DCLK1: variants seen among roughly 807,000 people sequenced by gnomAD.
The protein encoded by DCLK1 is doublecortin like kinase 1.
Under a neutral mutation model 86.2 loss-of-function variants are expected in DCLK1, and 16 were observed. That is an observed-to-expected ratio of 0.19 (90% CI 0.13 to 0.28). DCLK1 has a LOEUF of 0.28. DCLK1 is among the 10% of genes least tolerant of loss of function. The pLI, the probability that DCLK1 is intolerant of heterozygous loss-of-function variation, is 1.00. For missense variants in DCLK1, 590 were observed against 940.2 expected (o/e 0.63, Z 4.87); for synonymous variants, 369 against 370.5 (o/e 1.00, Z 0.05).
rs1209797725 is a variant in DCLK1, at chr13:35,771,201, C to T, written c.*3334G>A. ...TCTTTTTGTTTTCAACTGAAATATG[C>T]CTCAAAGGGTAAAGGATTGCAATTT... On this transcript the variant is annotated 3_prime_UTR_variant, in exon 17 of 17. Transcript: ENST00000360631. The T allele has an allele frequency of 6.6e-6, 1 of 152,076 alleles. No individual in the cohort carries two copies. Among genetic ancestry groups the T allele is most frequent in the Admixed American group, 6.6e-5 (1 of 15,264 alleles). 9.4% of individuals were successfully genotyped at this position (152,076 alleles called of 1,614,324 possible).
intron 3 of DCLK1, among the ~76,000 whole-genome samples, chr13:36,044,017 G>A (rs1284303557): frequency 6.6e-6 from 1 of 152,224 alleles, no homozygotes; most frequent in Non-Finnish European, 1.5e-5. Flanking sequence ...GAGGGGCCTA[G>A]TGGGCGGTGT....
chr13:35,946,956 C>T (rs1163310935), intron 4 of DCLK1, among the ~76,000 whole-genome samples: 1 of 152,008 alleles, frequency 6.6e-6, no homozygotes, highest in African/African-American at 2.4e-5. Flanking sequence ...AACCACTTGC[C>T]TGGTTAGGAA....
intron 12 of DCLK1, among the ~76,000 whole-genome samples, chr13:35,810,271 T>C (rs1251904581): frequency 6.6e-6 from 1 of 152,174 alleles, no homozygotes; most frequent in African/African-American, 2.4e-5. Flanking sequence ...GCCTAGCATA[T>C]TGTGGGGTCT....
chr13:36,129,469 TCA>T (rs1334685273), intron 1 of DCLK1, among the ~76,000 whole-genome samples: 1 of 152,190 alleles, frequency 6.6e-6, no homozygotes, highest in Non-Finnish European at 1.5e-5. Context: ...GAAACCATAC[TCA>T]GAGTGAAATC....
chr13:35,938,401 G>A (rs372075908), intron 4 of DCLK1, among the ~76,000 whole-genome samples: 2 of 152,220 alleles, frequency 1.3e-5, no homozygotes, highest in South Asian at 2.1e-4. Flanking sequence ...AGGCCAAAGC[G>A]GGTGGATCAC....
At chr13:36,074,934 T>C (rs1182959784) in intron 3 of DCLK1, among the ~76,000 whole-genome samples, 1 of 152,194 alleles carries the variant, frequency 6.6e-6, no homozygotes, top group Non-Finnish European at 1.5e-5. Flanking sequence ...ACAAAGCAAC[T>C]GTAAAGGCAA....
At chr13:35,832,733 A>C (rs1869056729) in intron 8 of DCLK1, among the ~76,000 whole-genome samples, 1 of 152,214 alleles carries the variant, frequency 6.6e-6, no homozygotes, top group Admixed American at 6.5e-5. Context: ...GATAACTGCC[A>C]AGAGCAGAGA....
At chr13:35,900,418 T>C (rs1159368966) in intron 4 of DCLK1, among the ~76,000 whole-genome samples, 1 of 152,026 alleles carries the variant, frequency 6.6e-6, no homozygotes, top group Non-Finnish European at 1.5e-5. Flanking sequence ...TTTTTTGTAT[T>C]TTTAGTAGAG....
Position 36,022,050 on chromosome 13 carries a change from A to G in DCLK1, c.724-74593T>C, listed in dbSNP as rs531645088. Among the ~76,000 whole-genome samples, 10 of 152,186 alleles carry G rather than the reference A, an allele frequency of 6.6e-5. 1 individual carries two copies. In the Middle Eastern group the frequency reaches 0.017, roughly 259 times the overall value. On this transcript the variant is annotated intron_variant, in intron 3 of 16. Coordinates refer to ENST00000360631, the MANE Select transcript of DCLK1 (RefSeq NM_001330071.2). ...AGCCATAAAATAAACTTTGATAAAT[A>G]TAAAAGGGTGGAAATCATACAAAGT...
intron 3 of DCLK1, among the ~76,000 whole-genome samples, chr13:36,066,580 T>C (rs572416780): frequency 6.6e-6 from 1 of 152,268 alleles, no homozygotes; most frequent in African/African-American, 2.4e-5. Flanking sequence ...GGAAAGAACC[T>C]GTGCTACAGC....
chr13:36,079,982 A>T (rs1884363462), intron 3 of DCLK1, among the ~76,000 whole-genome samples: 1 of 152,240 alleles, frequency 6.6e-6, no homozygotes, highest in Non-Finnish European at 1.5e-5. Context: ...ACATCTGGGC[A>T]GTGGCCTTTG....
At chr13:35,993,873 T>TATA (rs1240036173) in intron 3 of DCLK1, among the ~76,000 whole-genome samples, 1 of 151,928 alleles carries the variant, frequency 6.6e-6, no homozygotes, top group Non-Finnish European at 1.5e-5. Flanking sequence ...AGTATCAGCC[T>TATA]TGAGGCTCCC....
At chr13:35,979,997 T>C (rs1246438855) in intron 3 of DCLK1, among the ~76,000 whole-genome samples, 1 of 152,210 alleles carries the variant, frequency 6.6e-6, no homozygotes, top group Admixed American at 6.5e-5. Context: ...TTATTTTTTG[T>C]TTCCATAGTA....
At chr13:35,944,485 A>T (rs1877257091) in intron 4 of DCLK1, among the ~76,000 whole-genome samples, 1 of 152,216 alleles carries the variant, frequency 6.6e-6, no homozygotes, top group Non-Finnish European at 1.5e-5. Flanking sequence ...CGGAGCACTT[A>T]AAAAAAGATT....
chr13:35,938,977 A>G (rs1256093370), intron 4 of DCLK1, among the ~76,000 whole-genome samples: 1 of 152,200 alleles, frequency 6.6e-6, no homozygotes, highest in African/African-American at 2.4e-5. Context: ...ATTTGTAGCG[A>G]AGGAACTAGC....
At chr13:35,875,938 G>T (rs761298645) in intron 4 of DCLK1, among the ~76,000 whole-genome samples, 3 of 152,114 alleles carry the variant, frequency 2.0e-5, no homozygotes, top group Non-Finnish European at 2.9e-5. Context: ...TCTTGGGTTG[G>T]TGGCTTCCTC....
At chr13:35,991,491 C>A (rs1347330335) in intron 3 of DCLK1, among the ~76,000 whole-genome samples, 1 of 151,860 alleles carries the variant, frequency 6.6e-6, no homozygotes, top group Non-Finnish European at 1.5e-5. Context: ...TGAGACCTCA[C>A]CTTTATGAAA....
rs557150315 is a variant in DCLK1 at position 35,910,520 on chromosome 13, T to A, written c.823+36838A>T. Among the ~76,000 whole-genome samples, 5 of 152,330 alleles carry A rather than the reference T, an allele frequency of 3.3e-5. 1 individual carries two copies. In the South Asian group the frequency reaches 1.0e-3, roughly 32 times the overall value. On this transcript the variant is annotated intron_variant, in intron 4 of 16. Coordinates refer to ENST00000360631, the MANE Select transcript of DCLK1 (RefSeq NM_001330071.2). ...TTCCCTTTTTTCCTTTTCCTTCCTATGCTGGAAATAAAAAGGTTGATGTCA... is the reference window on the plus strand; with the variant it reads ...TTCCCTTTTTTCCTTTTCCTTCCTAAGCTGGAAATAAAAAGGTTGATGTCA...
intron 6 of DCLK1, among the ~76,000 whole-genome samples, chr13:35,841,541 A>G (rs374038998): frequency 1.8e-3 from 278 of 152,206 alleles, no homozygotes; most frequent in African/African-American, 5.8e-3. Context: ...AGGAAAAAAA[A>G]GTAGGGTTAA....
Sources: allele counts gnomAD v4.1 joint callset (sites outside exome capture counted in the v4.1 genomes callset), GRCh38; gene constraint gnomAD v4.1.1; transcripts MANE v1.5; gene names NCBI Gene and HGNC (gene_info 2026-07-23, HGNC 2026-07-21).